NTM: variants seen among roughly 807,000 people sequenced by gnomAD.
The protein encoded by NTM is neurotrimin, also known as IgLON family member 2.
NTM carries 13 observed loss-of-function variants against 42.1 expected under a neutral mutation model. That is an observed-to-expected ratio of 0.31 (90% CI 0.20 to 0.49). The LOEUF (loss-of-function observed/expected upper bound fraction) is 0.49. Ranked by LOEUF, NTM falls within the 20% of genes least tolerant of loss-of-function variation. The pLI is 0.99. For missense variants in NTM, 373 were observed against 452.8 expected, an observed-to-expected ratio of 0.82 and a Z score of 1.60; for synonymous variants, 187 against 179.2, an observed-to-expected ratio of 1.04 and a Z score of -0.35.
intron 7 of NTM, among the ~76,000 whole-genome samples, chr11:132,322,616 T>A (rs2095595714): frequency 1.0e-5 from 1 of 100,108 alleles, no homozygotes; most frequent in Admixed American, 1.0e-4. Flanking sequence ...ATTAGACAGA[T>A]CAACGAGACA....
intron 1 of NTM, among the ~76,000 whole-genome samples, chr11:131,399,097 G>A (rs1944856451): frequency 6.6e-6 from 1 of 152,196 alleles, no homozygotes; most frequent in African/African-American, 2.4e-5. Flanking sequence ...AACACTTCAT[G>A]TGCATATGGA....
intron 1 of NTM, among the ~76,000 whole-genome samples, chr11:131,780,476 T>C (rs1374924956): frequency 6.6e-6 from 1 of 152,106 alleles, no homozygotes; most frequent in Non-Finnish European, 1.5e-5. Flanking sequence ...AGGTAAGATA[T>C]TTAGGAAGAA....
chr11:131,848,041 C>T (rs1009708388), intron 1 of NTM, among the ~76,000 whole-genome samples: 9 of 152,252 alleles, frequency 5.9e-5, no homozygotes, highest in African/African-American at 1.7e-4. Flanking sequence ...AACAGTTGTT[C>T]TCTTTATTCT....
chr11:132,097,172 C>A (rs115069729), intron 2 of NTM, among the ~76,000 whole-genome samples: 1 of 152,204 alleles, frequency 6.6e-6, no homozygotes, highest in Non-Finnish European at 1.5e-5. Flanking sequence ...ATATGTACCC[C>A]TTCCTTCTGC....
chr11:132,238,815 A>C (rs1006062194), intron 4 of NTM, among the ~76,000 whole-genome samples: 25 of 152,192 alleles, frequency 1.6e-4, no homozygotes, highest in African/African-American at 5.5e-4. Context: ...CTAATTCAGC[A>C]GGTCTGGGGT....
At chr11:131,581,519 G>T (rs748421052) in intron 1 of NTM, among the ~76,000 whole-genome samples, 19 of 152,162 alleles carry the variant, frequency 1.2e-4, no homozygotes, top group Non-Finnish European at 2.5e-4. Context: ...GCAAAAAAGG[G>T]CTGAGGAAAG....
At chr11:131,395,381 A>G (rs1270853393) in intron 1 of NTM, among the ~76,000 whole-genome samples, 1 of 152,142 alleles carries the variant, frequency 6.6e-6, no homozygotes, top group Non-Finnish European at 1.5e-5. Flanking sequence ...GGTCTAATTT[A>G]TCATTTATCT....
At chr11:131,564,646 T>G (rs2056659417) in intron 1 of NTM, among the ~76,000 whole-genome samples, 2 of 152,318 alleles carry the variant, frequency 1.3e-5, no homozygotes, top group Middle Eastern at 6.8e-3. Context: ...AATATATCCA[T>G]CACCTCCAAG....
intron 4 of NTM, among the ~76,000 whole-genome samples, chr11:132,306,903 C>T (rs990807327): frequency 1.3e-5 from 2 of 152,158 alleles, no homozygotes; most frequent in Admixed American, 6.5e-5. Flanking sequence ...CATGGCCAGA[C>T]GTCAGGCACA....
At chr11:131,719,844 C>T (rs569478611) in intron 1 of NTM, among the ~76,000 whole-genome samples, 4 of 152,214 alleles carry the variant, frequency 2.6e-5, no homozygotes, top group Non-Finnish European at 4.4e-5. Context: ...CAACTTTAGG[C>T]GAAACTCACA....
At chr11:132,001,560 A>G (rs2069237816) in intron 2 of NTM, among the ~76,000 whole-genome samples, 1 of 152,090 alleles carries the variant, frequency 6.6e-6, no homozygotes. Flanking sequence ...AAGTATCTCC[A>G]CATGGTGAGA....
chr11:131,794,680 G>C (rs1166208357), intron 1 of NTM: 21 of 985,284 alleles, frequency 2.1e-5, no homozygotes, highest in Non-Finnish European at 2.5e-5. Context: ...GCACCTTTTA[G>C]AAGTCATTTT....
At chr11:131,396,228 A>G (rs1944535589) in intron 1 of NTM, among the ~76,000 whole-genome samples, 3 of 152,202 alleles carry the variant, frequency 2.0e-5, no homozygotes, top group South Asian at 4.1e-4. Context: ...TTCCTCACCT[A>G]CAAAACGGGG....
At chr11:131,834,021 A>G (rs911926255) in intron 1 of NTM, among the ~76,000 whole-genome samples, 4 of 152,174 alleles carry the variant, frequency 2.6e-5, no homozygotes, top group African/African-American at 9.7e-5. Flanking sequence ...GCCTCATGGC[A>G]TGAGGATGAG....
intron 4 of NTM, among the ~76,000 whole-genome samples, chr11:132,215,097 C>T (rs1261549252): frequency 6.6e-6 from 1 of 152,222 alleles, no homozygotes; most frequent in Non-Finnish European, 1.5e-5. Flanking sequence ...GAGGCTTATT[C>T]TAAATAAACC....
intron 1 of NTM, chr11:131,795,922 A>T (rs2091505731): frequency 2.0e-6 from 2 of 978,570 alleles, no homozygotes; most frequent in African/African-American, 3.5e-5. Flanking sequence ...GGAGTAAGCG[A>T]TGCCTGAGCT....
intron 6 of NTM, among the ~76,000 whole-genome samples, chr11:132,310,629 T>C (rs1252164490): frequency 1.3e-5 from 2 of 152,050 alleles, no homozygotes; most frequent in African/African-American, 4.8e-5. Flanking sequence ...GCCCTGGGAG[T>C]GGCTAATAAG....
chr11:131,571,523 G>A (rs1302824999), intron 1 of NTM, among the ~76,000 whole-genome samples: 1 of 152,190 alleles, frequency 6.6e-6, no homozygotes, highest in Non-Finnish European at 1.5e-5. Context: ...TGCAATTCTG[G>A]GAGGAAAGCT....
At chr11:131,488,894 G>A (rs926497862) in intron 1 of NTM, among the ~76,000 whole-genome samples, 1 of 152,144 alleles carries the variant, frequency 6.6e-6, no homozygotes. Context: ...CAGGATATTT[G>A]CAATAAACAC....
Sources: gnomAD v4.1 joint callset for allele counts (sites outside exome capture counted in the v4.1 genomes callset) on GRCh38, gnomAD v4.1.1 for gene constraint, MANE v1.5 for transcripts, NCBI Gene and HGNC (gene_info 2026-07-23, HGNC 2026-07-21) for gene names.